The following ESR2 variants were observed in gnomAD, a reference collection of about 807,000 sequenced individuals.
ESR2 encodes estrogen receptor 2.
A neutral mutation model predicts 49.6 loss-of-function variants in ESR2; 36 were observed. The observed-to-expected ratio is 0.73, with a 90% CI of 0.56 to 0.96. The LOEUF (loss-of-function observed/expected upper bound fraction) is 0.96, where lower values mean the gene tolerates loss of function less well. ESR2 is among the 40% of genes least tolerant of loss of function. The probability of loss-of-function intolerance (pLI) is 0.00; values close to 1 mark genes in which losing one functional copy is unlikely to be tolerated. For missense variants in ESR2, 714 were observed against 693.0 expected (o/e 1.03, Z -0.34); for synonymous variants, 320 against 266.1 (o/e 1.20, Z -1.97).
chr14:64,233,116 A>G lies in ESR2; in HGVS notation c.*21T>C. 6.2e-7 allele frequency: 1 copy of G among 1,606,550 alleles called. No individual in the cohort carries two copies. The highest frequency in any genetic ancestry group is 1.1e-5 in the South Asian group (1 of 90,738). On this transcript the variant is annotated 3_prime_UTR_variant, in exon 9 of 9. Coordinates refer to ENST00000341099, the MANE Select transcript of ESR2 (RefSeq NM_001437.3). ...CTTCAGCCTGTGACCTCTGTGGGCC[A>G]GTTCACCTCAGGGCCAGGCGTCACT...
chr14:64,302,144 CTTTTTTA>C (rs1168824161), intron 1 of ESR2, among the ~76,000 whole-genome samples: 5 of 149,204 alleles, frequency 3.4e-5, no homozygotes, highest in Admixed American at 2.0e-4. Context: ...ACCTGGGTCA[CTTTTTTA>C]TTTTTTATTT....
chr14:64,335,505 T>C (rs1408293434), intron 1 of ESR2, among the ~76,000 whole-genome samples: 1 of 152,220 alleles, frequency 6.6e-6, no homozygotes, highest in Non-Finnish European at 1.5e-5. Context: ...CTTAAATGAC[T>C]GACAGAAGAA....
chr14:64,257,121 C>T, intron 6 of ESR2, 105 bp downstream of exon 6: 1 of 1,034,260 alleles, frequency 9.7e-7, no homozygotes, highest in Non-Finnish European at 1.5e-6. Context: ...CATCCTCTGC[C>T]CTGCAAGTGT....
At chr14:64,310,286 A>AAAAAATAATAATAATAAT (rs1555595498) in intron 1 of ESR2, among the ~76,000 whole-genome samples, 2 of 142,468 alleles carry the variant, frequency 1.4e-5, no homozygotes, top group African/African-American at 5.3e-5. Context: ...TCGTCTCAAA[A>AAAAAATAATAATAATAAT]AATAATAATA....
At chr14:64,253,604 G>GTGTGTGTGTA (rs375688515) in intron 6 of ESR2, among the ~76,000 whole-genome samples, 357 of 142,890 alleles carry the variant, frequency 2.5e-3, no homozygotes, top group African/African-American at 8.5e-3. Context: ...GTGTGTGTGT[G>GTGTGTGTGTA]TATGTATGTG....
At chr14:64,273,963 C>G (rs1210879373) in intron 3 of ESR2, among the ~76,000 whole-genome samples, 1 of 144,136 alleles carries the variant, frequency 6.9e-6, no homozygotes, top group Admixed American at 7.0e-5. Context: ...TTTTTGAGAC[C>G]TGATCACACT....
chr14:64,278,600 A>T (rs1023773480), intron 3 of ESR2, among the ~76,000 whole-genome samples: 17 of 152,206 alleles, frequency 1.1e-4, no homozygotes, highest in Admixed American at 9.8e-4. Flanking sequence ...TTTCAGATGG[A>T]AACATAGGGT....
intron 3 of ESR2, among the ~76,000 whole-genome samples, chr14:64,275,600 G>A (rs1378994283): frequency 6.6e-6 from 1 of 152,084 alleles, no homozygotes; most frequent in Non-Finnish European, 1.5e-5. Context: ...CTACTTGGGA[G>A]GCTGAGGCAG....
chr14:64,253,604 G>GTGTGTGTGTGTA (rs375688515), intron 6 of ESR2, among the ~76,000 whole-genome samples: 108 of 142,898 alleles, frequency 7.6e-4, no homozygotes, highest in African/African-American at 2.5e-3. Context: ...GTGTGTGTGT[G>GTGTGTGTGTGTA]TATGTATGTG....
At chr14:64,227,648 A>G, downstream of ESR2, 1 of 1,612,956 alleles carries the variant, frequency 6.2e-7, no homozygotes, top group Non-Finnish European at 8.5e-7. Context: ...TCAAAGTTGC[A>G]GTGAAAGGAA....
At chr14:64,322,289 C>T (rs1033565425) in intron 1 of ESR2, among the ~76,000 whole-genome samples, 2 of 152,086 alleles carry the variant, frequency 1.3e-5, no homozygotes, top group African/African-American at 2.4e-5. Context: ...GAACTCCTGA[C>T]CTCAGGTGAT....
chr14:64,292,098 CTT>C (rs2140847196), intron 1 of ESR2, among the ~76,000 whole-genome samples: 1 of 152,302 alleles, frequency 6.6e-6, no homozygotes, highest in Non-Finnish European at 1.5e-5. Flanking sequence ...GAATTTAACA[CTT>C]AGTCCAAGTC....
chr14:64,272,884 G>GT (rs1365206943), intron 3 of ESR2, among the ~76,000 whole-genome samples: 1 of 151,986 alleles, frequency 6.6e-6, no homozygotes, highest in Non-Finnish European at 1.5e-5. Context: ...TTTTAGGGTT[G>GT]TTTTTTCTAT....
At chr14:64,275,651 C>T (rs577279243) in intron 3 of ESR2, among the ~76,000 whole-genome samples, 6 of 151,446 alleles carry the variant, frequency 4.0e-5, no homozygotes, top group African/African-American at 1.2e-4. Flanking sequence ...TTCAGTGAGC[C>T]GAGATTGCAC....
chr14:64,273,537 T>C (rs1473460525), intron 3 of ESR2, among the ~76,000 whole-genome samples: 3 of 152,208 alleles, frequency 2.0e-5, no homozygotes, highest in Non-Finnish European at 4.4e-5. Context: ...TTTTATCAAA[T>C]GCCTTTTCAG....
chr14:64,280,426 A>G (rs1346914316), intron 2 of ESR2, among the ~76,000 whole-genome samples: 2 of 152,306 alleles, frequency 1.3e-5, no homozygotes, highest in East Asian at 3.9e-4. Context: ...GTCACTGCCG[A>G]AGACCAGTCA....
chr14:64,321,272 G>A (rs905332288), intron 1 of ESR2, among the ~76,000 whole-genome samples: 11 of 151,530 alleles, frequency 7.3e-5, no homozygotes, highest in Non-Finnish European at 1.5e-4. Context: ...GTGGTTGCCC[G>A]GCACTAGTGA....
intron 2 of ESR2, 72 bp from the exon 3 acceptor site, chr14:64,280,225 T>C: frequency 2.2e-6 from 2 of 905,916 alleles, no homozygotes; most frequent in East Asian, 2.6e-5. Flanking sequence ...GAAAAAAAAA[T>C]AGCATGAACA....
chr14:64,318,654 C>A (rs1425467655), intron 1 of ESR2, among the ~76,000 whole-genome samples: 1 of 151,352 alleles, frequency 6.6e-6, no homozygotes, highest in Non-Finnish European at 1.5e-5. Context: ...AATCCCAGCA[C>A]CCCAGGAGGC....
Sources: allele counts gnomAD v4.1 joint callset (sites outside exome capture counted in the v4.1 genomes callset), GRCh38; gene constraint gnomAD v4.1.1; transcripts MANE v1.5; gene names NCBI Gene and HGNC (gene_info 2026-07-23, HGNC 2026-07-21).